PLCL2: variants seen among roughly 807,000 people sequenced by gnomAD.
PLCL2 encodes the protein inactive phospholipase C-like protein 2.
In PLCL2, 4 loss-of-function variants were observed where a neutral mutation model predicts 79.6. The ratio of observed to expected loss-of-function variants is 0.05; its 90% CI spans 0.02 to 0.11. The LOEUF is 0.11. PLCL2 is among the 10% of genes least tolerant of loss of function. PLCL2 has a pLI of 1.00. For synonymous variants in PLCL2, 484 were observed against 457.7 expected (o/e 1.06, Z -0.73); for missense variants, 895 against 1,291.0 (o/e 0.69, Z 4.70).
intron 1 of PLCL2, among the ~76,000 whole-genome samples, chr3:16,916,923 C>G (rs1417146776): frequency 1.3e-5 from 2 of 152,126 alleles, no homozygotes; most frequent in Admixed American, 6.5e-5. Flanking sequence ...GGAGGAACAA[C>G]TTATGTGTTC....
intron 1 of PLCL2, among the ~76,000 whole-genome samples, chr3:16,895,719 A>G (rs903341156): frequency 3.3e-4 from 50 of 152,364 alleles, no homozygotes; most frequent in African/African-American, 1.2e-3. Context: ...TCAAATGCCT[A>G]TCTTATAAAA....
chr3:17,002,535 C>G (rs1256429621), intron 1 of PLCL2, among the ~76,000 whole-genome samples: 5 of 152,040 alleles, frequency 3.3e-5, no homozygotes, highest in Non-Finnish European at 7.4e-5. Context: ...TTTTCTTTGG[C>G]TGCCTCAAAG....
chr3:17,054,089 C>T (rs181389364), intron 4 of PLCL2, among the ~76,000 whole-genome samples: 2 of 152,206 alleles, frequency 1.3e-5, no homozygotes, highest in East Asian at 3.9e-4. Flanking sequence ...TGCATATGAG[C>T]ATAGGTTGTT....
intron 1 of PLCL2, among the ~76,000 whole-genome samples, chr3:17,001,365 T>C (rs1361380588): frequency 6.6e-6 from 1 of 152,168 alleles, no homozygotes; most frequent in Non-Finnish European, 1.5e-5. Context: ...TTTTTACAAA[T>C]GTAATCCCAT....
intron 1 of PLCL2, among the ~76,000 whole-genome samples, chr3:16,953,928 T>C (rs886778326): frequency 2.6e-5 from 4 of 152,216 alleles, no homozygotes; most frequent in African/African-American, 9.7e-5. Flanking sequence ...GTTGATTTGA[T>C]GTAATGTAAC....
chr3:16,917,866 G>A (rs1182301023), intron 1 of PLCL2, among the ~76,000 whole-genome samples: 2 of 152,122 alleles, frequency 1.3e-5, no homozygotes, highest in South Asian at 2.1e-4. Context: ...GGATCATGTA[G>A]GATGCAATAT....
intron 1 of PLCL2, among the ~76,000 whole-genome samples, chr3:16,893,251 T>C (rs76878762): frequency 0.043 from 6,538 of 152,276 alleles, 210 homozygotes; most frequent in Middle Eastern, 0.082. Flanking sequence ...TTTTTATTTC[T>C]TTTTTAACAA....
intron 3 of PLCL2, among the ~76,000 whole-genome samples, chr3:17,035,394 G>A (rs1408225119): frequency 6.9e-6 from 1 of 144,484 alleles, no homozygotes; most frequent in Non-Finnish European, 1.5e-5. Context: ...TGTAAGGTGT[G>A]TTACAATTTT....
intron 1 of PLCL2, among the ~76,000 whole-genome samples, chr3:16,948,245 T>G (rs1331984328): frequency 6.6e-6 from 1 of 151,716 alleles, no homozygotes; most frequent in East Asian, 1.9e-4. Flanking sequence ...TTATGCTAAG[T>G]AAAAGAAGCC....
chr3:16,992,637 G>T (rs2064116087), intron 1 of PLCL2, among the ~76,000 whole-genome samples: 2 of 152,204 alleles, frequency 1.3e-5, no homozygotes, highest in South Asian at 2.1e-4. Flanking sequence ...CCAAGCAAGA[G>T]CAGGATCCTG....
At chr3:17,002,133 A>G (rs756365333) in intron 1 of PLCL2, among the ~76,000 whole-genome samples, 4 of 152,018 alleles carry the variant, frequency 2.6e-5, no homozygotes, top group African/African-American at 7.2e-5. Flanking sequence ...TGATTTCACT[A>G]TTGGCATATA....
At chr3:16,917,967 T>A (rs1697035871) in intron 1 of PLCL2, among the ~76,000 whole-genome samples, 1 of 152,228 alleles carries the variant, frequency 6.6e-6, no homozygotes, top group Admixed American at 6.5e-5. Flanking sequence ...TTTTCTTATG[T>A]GAATCATTCA....
In PLCL2 at chr3:17,001,610, G is replaced by C. The variant is rs115900416; in HGVS notation, c.328-8064G>C. 7.0e-3 allele frequency among the ~76,000 whole-genome samples: 1,061 copies of C among 152,128 alleles called. 5 individuals carry two copies. The highest frequency in any genetic ancestry group is 0.021 in the African/African-American group (886 of 41,544). On this transcript the variant is annotated intron_variant, in intron 1 of 5. Coordinates refer to ENST00000615277, the MANE Select transcript of PLCL2 (RefSeq NM_001144382.2). ...CCTAGCACTGTTTATTGAAGAGACT[G>C]TCCTTTCCTTAATGTATGTTCTTGG...
intron 4 of PLCL2, among the ~76,000 whole-genome samples, chr3:17,063,803 C>G (rs1055316782): frequency 6.6e-6 from 1 of 152,228 alleles, no homozygotes; most frequent in African/African-American, 2.4e-5. Context: ...CTGGGTCATG[C>G]TCCTTTCGCA....
intron 1 of PLCL2, among the ~76,000 whole-genome samples, chr3:16,898,910 G>C (rs1696552989): frequency 1.3e-5 from 2 of 152,332 alleles, no homozygotes; most frequent in African/African-American, 4.8e-5. Flanking sequence ...CCAGCCAGCT[G>C]TGGCAGGGGT....
At chr3:16,963,426 T>C (rs887311117) in intron 1 of PLCL2, among the ~76,000 whole-genome samples, 26 of 152,122 alleles carry the variant, frequency 1.7e-4, no homozygotes, top group African/African-American at 6.3e-4. Context: ...TGAGAGAAAA[T>C]GTATATTAGT....
intron 1 of PLCL2, among the ~76,000 whole-genome samples, chr3:16,973,588 A>C (rs567673001): frequency 6.6e-6 from 1 of 152,200 alleles, no homozygotes; most frequent in East Asian, 1.9e-4. Context: ...TTTAAAGAGT[A>C]TTGCTCATGA....
intron 3 of PLCL2, among the ~76,000 whole-genome samples, chr3:17,029,161 T>G (rs929644334): frequency 2.0e-5 from 3 of 151,876 alleles, no homozygotes; most frequent in Non-Finnish European, 1.5e-5. Context: ...CTTGGACAAC[T>G]CCAGATGCTT....
chr3:17,075,545 TAAAAAAAAAA>T (rs61190858), intron 5 of PLCL2, among the ~76,000 whole-genome samples: 1 of 129,766 alleles, frequency 7.7e-6, no homozygotes, highest in Non-Finnish European at 1.6e-5. Flanking sequence ...CTTCAATGTG[TAAAAAAAAAA>T]AAAAAAAAAT....
Sources: gnomAD v4.1 joint callset for allele counts (sites outside exome capture counted in the v4.1 genomes callset) on GRCh38, gnomAD v4.1.1 for gene constraint, MANE v1.5 for transcripts, NCBI Gene and HGNC (gene_info 2026-07-23, HGNC 2026-07-21) for gene names.